Variants in CCDC69 observed in about 807,000 individuals in gnomAD.
CCDC69 encodes coiled-coil domain containing 69.
In CCDC69, 38 loss-of-function variants were observed where a neutral mutation model predicts 40.3. The observed-to-expected ratio is 0.94, with a 90% CI of 0.73 to 1.24. The LOEUF is 1.24. CCDC69 is among the 50% of genes most tolerant of loss of function. CCDC69 has a pLI of 0.00. For missense variants in CCDC69, 389 were observed against 357.9 expected (o/e 1.09, Z -0.70); for synonymous variants, 141 against 138.9 (o/e 1.02, Z -0.11).
chr5:151,217,414 G>A (rs1753061891), intron 1 of CCDC69, among the ~76,000 whole-genome samples: 1 of 152,134 alleles, frequency 6.6e-6, no homozygotes, highest in Non-Finnish European at 1.5e-5. Context: ...GGGGCTGGGG[G>A]TGAGAGGGTG....
intron 1 of CCDC69, 25 bp downstream of exon 1, chr5:151,223,898 A>T: frequency 6.3e-7 from 1 of 1,590,344 alleles, no homozygotes; most frequent in African/African-American, 1.4e-5. Context: ...CTCTGAAAGC[A>T]AACTTCTCCG....
intron 2 of CCDC69, among the ~76,000 whole-genome samples, chr5:151,204,985 C>T (rs554490008): frequency 4.5e-4 from 69 of 151,954 alleles, no homozygotes; most frequent in African/African-American, 1.5e-3. Context: ...TAGTACCCAA[C>T]AGTTTTTCAA....
chr5:151,196,174 T>C (rs1345207480), intron 4 of CCDC69, among the ~76,000 whole-genome samples: 2 of 152,224 alleles, frequency 1.3e-5, no homozygotes, highest in Non-Finnish European at 2.9e-5. Flanking sequence ...GTTTTTTAGA[T>C]GGAGTCTTGC....
rs576832999 is a variant in CCDC69, at chr5:151,205,007, ATCCC to A, written c.124+389_124+392del. ...CAACAGTTTTTCAACTCTTGCTCCC[ATCCC>A]TCCCTCCCTCCCTCCCTCCCTATGG... On this transcript the variant is annotated intron_variant, in intron 2 of 8. Transcript: ENST00000355417. 7.2e-5 allele frequency among the ~76,000 whole-genome samples: 10 copies of A among 139,176 alleles called. No homozygotes were observed. The South Asian group carries it at 8.4e-4, about 12-fold the overall frequency. The allele number at this position is 139,176 out of a possible 152,430, so 91.3% of individuals were successfully genotyped here.
At chr5:151,218,479 CT>C (rs1753084592) in intron 1 of CCDC69, among the ~76,000 whole-genome samples, 2 of 152,186 alleles carry the variant, frequency 1.3e-5, no homozygotes, top group African/African-American at 4.8e-5. Flanking sequence ...GAGGCTCTTC[CT>C]TTCGTTGGGA....
intron 4 of CCDC69, among the ~76,000 whole-genome samples, chr5:151,197,609 G>A (rs568585569): frequency 2.0e-5 from 3 of 152,246 alleles, no homozygotes; most frequent in Middle Eastern, 3.4e-3. Flanking sequence ...TCCTTTTGGG[G>A]TGATGGCACT....
Position 151,199,003 on chromosome 5 carries a change from G to A in CCDC69, c.313C>T (p.Leu105=). The change falls in exon 4 of 9, where the codon CTG becomes TTG. Residue 105 remains leucine, a synonymous_variant. Coordinates refer to ENST00000355417, the MANE Select transcript of CCDC69 (RefSeq NM_015621.3). ...RVLEGKNEEA[L]QVLRASYEQE... ...GGAACATCTCTACCCTTACCTTGCA[G>A]GGCCTCTTCATTCTTTCCTTCCAGG... 6.2e-7 allele frequency: 1 copy of A among 1,613,634 alleles called. No individual in the cohort carries two copies. The highest frequency in any genetic ancestry group is 1.1e-5 in the South Asian group (1 of 91,076).
rs749326891 is a variant in CCDC69, at chr5:151,201,581, C to T, written c.231+1G>A. ...CAGGGGGTGGGGGCACCTGGACTTA[C>T]CTGTTGTGCCCATTTCTTCTTTTCC... On this transcript the variant is annotated splice_donor_variant, in intron 3 of 8. Coordinates refer to ENST00000355417, the MANE Select transcript of CCDC69 (RefSeq NM_015621.3). LOFTEE classifies it high-confidence loss of function. The T allele has an allele frequency of 6.2e-7, 1 of 1,605,038 alleles. No individual in the cohort carries two copies. Among genetic ancestry groups the T allele is most frequent in the Non-Finnish European group, 8.5e-7 (1 of 1,172,302 alleles).
At chr5:151,185,278 TG>T in intron 7 of CCDC69, 143 bp downstream of exon 7, 1 of 823,030 alleles carries the variant, frequency 1.2e-6, no homozygotes, top group Non-Finnish European at 1.9e-6. Context: ...CCATGCTCAG[TG>T]GTCAGCACAG....
chr5:151,222,027 T>A (rs138126690), intron 1 of CCDC69, among the ~76,000 whole-genome samples: 3 of 152,384 alleles, frequency 2.0e-5, no homozygotes, highest in Non-Finnish European at 4.4e-5. Context: ...CAGGCTGTTC[T>A]CTGAGGCAAC....
intron 4 of CCDC69, among the ~76,000 whole-genome samples, chr5:151,198,645 A>G (rs1431727865): frequency 6.6e-6 from 1 of 152,244 alleles, no homozygotes; most frequent in East Asian, 1.9e-4. Flanking sequence ...CAATCTAACA[A>G]TAAATAAGAG....
intron 4 of CCDC69, chr5:151,198,747 T>A (rs1262961854): frequency 4.9e-6 from 2 of 405,870 alleles, no homozygotes; most frequent in East Asian, 7.7e-5. Flanking sequence ...ATGGATTGCT[T>A]TTTAAATGGA....
At chr5:151,190,901 T>G (rs924712248) in intron 4 of CCDC69, among the ~76,000 whole-genome samples, 114 of 151,860 alleles carry the variant, frequency 7.5e-4, no homozygotes, top group Middle Eastern at 3.4e-3. Flanking sequence ...CAACCCAACA[T>G]TATGAACATC....
chr5:151,199,388 GC>G (rs1182935102), intron 3 of CCDC69, among the ~76,000 whole-genome samples: 1 of 152,088 alleles, frequency 6.6e-6, no homozygotes, highest in Admixed American at 6.5e-5. Flanking sequence ...TTCTCTGCTT[GC>G]GTAAGGCTTA....
At chr5:151,193,532 A>T (rs1483381778) in intron 4 of CCDC69, among the ~76,000 whole-genome samples, 1 of 151,846 alleles carries the variant, frequency 6.6e-6, no homozygotes, top group Non-Finnish European at 1.5e-5. Context: ...AAGAAAAGAA[A>T]AAAGAAGACA....
chr5:151,199,539 C>T (rs1752750006), intron 3 of CCDC69, among the ~76,000 whole-genome samples: 2 of 152,222 alleles, frequency 1.3e-5, no homozygotes, highest in African/African-American at 2.4e-5. Flanking sequence ...CATTTCTCTT[C>T]CCCAGGCTGA....
At chr5:151,189,827 T>A (rs1163623216) in intron 4 of CCDC69, among the ~76,000 whole-genome samples, 1 of 152,224 alleles carries the variant, frequency 6.6e-6, no homozygotes, top group African/African-American at 2.4e-5. Context: ...GAAAAAAATT[T>A]AAAAACTGCT....
At chr5:151,206,691 C>T (rs562503814) in intron 1 of CCDC69, among the ~76,000 whole-genome samples, 1 of 150,374 alleles carries the variant, frequency 6.7e-6, no homozygotes, top group African/African-American at 2.4e-5. Context: ...AGTACAGTGG[C>T]ACGATCTCGG....
chr5:151,215,141 G>A (rs1753018377), intron 1 of CCDC69, among the ~76,000 whole-genome samples: 1 of 152,154 alleles, frequency 6.6e-6, no homozygotes, highest in African/African-American at 2.4e-5. Flanking sequence ...TGGGGGTGGG[G>A]AAAGAGACAG....
Sources: allele counts gnomAD v4.1 joint callset (sites outside exome capture counted in the v4.1 genomes callset), GRCh38; gene constraint gnomAD v4.1.1; transcripts MANE v1.5; gene names NCBI Gene and HGNC (gene_info 2026-07-23, HGNC 2026-07-21).